SLC33A1: variants seen among roughly 807,000 people sequenced by gnomAD.
SLC33A1 encodes solute carrier family 33 member 1.
A neutral mutation model predicts 50.0 loss-of-function variants in SLC33A1; 20 were observed. That is an observed-to-expected ratio of 0.40 (90% confidence interval 0.28 to 0.58). The LOEUF is 0.58. Among genes scored for constraint, SLC33A1 ranks in the 20% least tolerant of loss-of-function variants. The pLI, the probability that SLC33A1 is intolerant of heterozygous loss-of-function variation, is 0.44. For synonymous variants in SLC33A1, 265 were observed against 251.8 expected (o/e 1.05, Z -0.50); for missense variants, 476 against 657.0 (o/e 0.72, Z 3.01).
At chr3:155,836,280 C>CAAAAAAAAAAAAA (rs57460942) in intron 2 of SLC33A1, among the ~76,000 whole-genome samples, 4 of 27,168 alleles carry the variant, frequency 1.5e-4, no homozygotes, top group East Asian at 1.1e-3. Context: ...GAGACTCTGT[C>CAAAAAAAAAAAAA]AAAAAAAAAA....
rs1752179675 is a variant in SLC33A1, at chr3:155,825,551, A to G, written c.*2659T>C. 6.6e-6 allele frequency: 1 copy of G among 152,126 alleles called. No homozygotes were observed. Among genetic ancestry groups the G allele is most frequent in the African/African-American group, 2.4e-5 (1 of 41,424 alleles). The allele number at this position is 152,126 out of a possible 1,614,324, so 9.4% of individuals were successfully genotyped here. A position where few individuals can be genotyped will look rare whatever the true frequency, so the allele number is the denominator to read the frequency against. On this transcript the variant is annotated 3_prime_UTR_variant, in exon 6 of 6. Transcript: ENST00000643144. Reference sequence around the variant, plus strand: ...TGGGCAAAAGTGAGACCATGTCTCTAAAAAATAATAATAAAATAAAATAAA... The same window carrying G: ...TGGGCAAAAGTGAGACCATGTCTCTGAAAAATAATAATAAAATAAAATAAA...
chr3:155,847,591 A>G (rs1753223149), intron 1 of SLC33A1, among the ~76,000 whole-genome samples: 1 of 151,576 alleles, frequency 6.6e-6, no homozygotes. Context: ...CTAAAAATAC[A>G]AAAAAAATTA....
intron 1 of SLC33A1, among the ~76,000 whole-genome samples, chr3:155,848,835 A>G (rs1753283601): frequency 6.6e-6 from 1 of 152,224 alleles, no homozygotes; most frequent in Admixed American, 6.5e-5. Context: ...TACATTATCT[A>G]TCTACCCAAT....
rs1263438507 is a variant in SLC33A1, at chr3:155,842,592, A to T, written c.803T>A (p.Phe268Tyr). The T allele has an allele frequency of 1.3e-6, 2 of 1,573,210 alleles. No individual in the cohort carries two copies. The highest frequency in any genetic ancestry group is 4.5e-5 in the East Asian group (2 of 44,044). The change falls in exon 2 of 6, where the codon TTT becomes TAT. Residue 268 changes from phenylalanine (F) to tyrosine (Y), a missense_variant. Coordinates refer to ENST00000643144, the MANE Select transcript of SLC33A1 (RefSeq NM_004733.4). Reference protein sequence around the residue: ...SDFLFFWGTVFLITTTLVALL... With the variant: ...SDFLFFWGTVYLITTTLVALL... ...GGCAACCAATGTTGTTGTTATTAAA[A>T]ATACAGTTCCCCAGAAAAAAAGGAA...
intron 2 of SLC33A1, among the ~76,000 whole-genome samples, chr3:155,839,363 G>A (rs1301570731): frequency 5.4e-5 from 2 of 37,372 alleles, no homozygotes; most frequent in Non-Finnish European, 1.0e-4. Context: ...AACAAAGCGA[G>A]ACTCTGTCTC....
At chr3:155,848,063 G>A (rs1753251033) in intron 1 of SLC33A1, among the ~76,000 whole-genome samples, 1 of 152,130 alleles carries the variant, frequency 6.6e-6, no homozygotes, top group Non-Finnish European at 1.5e-5. Flanking sequence ...TCAATTACCA[G>A]TTTACAGGCT....
chr3:155,846,665 C>T (rs1204840668), intron 1 of SLC33A1, among the ~76,000 whole-genome samples: 3 of 151,664 alleles, frequency 2.0e-5, no homozygotes, highest in African/African-American at 7.3e-5. Flanking sequence ...GTTGGTCAGG[C>T]TGGTCTTGAA....
intron 2 of SLC33A1, among the ~76,000 whole-genome samples, chr3:155,837,245 A>G (rs979212187): frequency 6.6e-6 from 1 of 151,466 alleles, no homozygotes; most frequent in African/African-American, 2.4e-5. Flanking sequence ...AGTCCCAGCT[A>G]CTTGGGAGGC....
At chr3:155,831,160 A>C (rs1052667186) in intron 4 of SLC33A1, among the ~76,000 whole-genome samples, 1 of 152,102 alleles carries the variant, frequency 6.6e-6, no homozygotes, top group African/African-American at 2.4e-5. Context: ...GTGTTCACTT[A>C]ATATTTGTTG....
rs1752174337 is a variant in SLC33A1, at chr3:155,825,234, T to C, written c.*2976A>G. ...CCACAATCACTGCTTACTGAAGCCTTGACCTCCTGGGTTCAAGTAACCCTC... is the reference window on the plus strand; with the variant it reads ...CCACAATCACTGCTTACTGAAGCCTCGACCTCCTGGGTTCAAGTAACCCTC... On this transcript the variant is annotated 3_prime_UTR_variant, in exon 6 of 6. Coordinates refer to ENST00000643144, the MANE Select transcript of SLC33A1 (RefSeq NM_004733.4). The C allele has an allele frequency of 6.6e-6, 1 of 152,076 alleles. No individual in the cohort carries two copies. The highest frequency in any genetic ancestry group is 1.5e-5 in the Non-Finnish European group (1 of 68,032). 9.4% of individuals were successfully genotyped at this position (152,076 alleles called of 1,614,324 possible).
chr3:155,831,562 G>A (rs1480671153), intron 4 of SLC33A1, among the ~76,000 whole-genome samples: 1 of 148,578 alleles, frequency 6.7e-6, no homozygotes, highest in Non-Finnish European at 1.5e-5. Context: ...GAATTTATTT[G>A]GTCTTGTACC....
intron 5 of SLC33A1, among the ~76,000 whole-genome samples, chr3:155,828,778 T>C (rs1752289062): frequency 6.6e-6 from 1 of 151,970 alleles, no homozygotes; most frequent in Non-Finnish European, 1.5e-5. Flanking sequence ...TTTGTAGAGA[T>C]GGTGCTTCAC....
At chr3:155,835,912 G>C (rs948512660) in intron 2 of SLC33A1, among the ~76,000 whole-genome samples, 1 of 151,902 alleles carries the variant, frequency 6.6e-6, no homozygotes. Context: ...CTTGATCTCT[G>C]TGGCTGTGAG....
chr3:155,852,298 C>T (rs1753431299), intron 1 of SLC33A1, among the ~76,000 whole-genome samples: 1 of 151,708 alleles, frequency 6.6e-6, no homozygotes, highest in Non-Finnish European at 1.5e-5. Context: ...CCCCCGACCC[C>T]CAACTATCTC....
chr3:155,843,750 G>A (rs529262408), intron 1 of SLC33A1, among the ~76,000 whole-genome samples: 1 of 152,292 alleles, frequency 6.6e-6, no homozygotes, highest in East Asian at 1.9e-4. Flanking sequence ...AAGTCAAGCT[G>A]TCCAAGTTAC....
rs529498288 is a variant in SLC33A1, at chr3:155,821,034, G to A, written c.*7176C>T. 6.6e-6 allele frequency: 1 copy of A among 152,136 alleles called. No homozygotes were observed. Among genetic ancestry groups the A allele is most frequent in the South Asian group, 2.1e-4 (1 of 4,824 alleles). 9.4% of individuals were successfully genotyped at this position (152,136 alleles called of 1,614,324 possible). On this transcript the variant is annotated 3_prime_UTR_variant, in exon 6 of 6. Coordinates refer to ENST00000643144, the MANE Select transcript of SLC33A1 (RefSeq NM_004733.4). Reference sequence around the variant, plus strand: ...AATGAAAACAAGATATTTCATTAATGTTTTATTTTTTAGAGAATCACTTTA... The same window carrying A: ...AATGAAAACAAGATATTTCATTAATATTTTATTTTTTAGAGAATCACTTTA...
intron 3 of SLC33A1, 130 bp downstream of exon 3, chr3:155,833,727 A>G: frequency 3.1e-6 from 3 of 965,754 alleles, no homozygotes; most frequent in Non-Finnish European, 4.9e-6. Flanking sequence ...GTGCATATAA[A>G]TAATATTGAA....
Position 155,854,159 on chromosome 3 carries a change from A to G in SLC33A1, c.-162T>C, listed in dbSNP as rs1753533259. 5.6e-6 allele frequency: 3 copies of G among 535,032 alleles called. No individual in the cohort carries two copies. Among genetic ancestry groups the G allele is most frequent in the Middle Eastern group, 4.9e-4 (1 of 2,050 alleles). The allele number at this position is 535,032 out of a possible 1,614,324, so 33.1% of individuals were successfully genotyped here. ...AAGGGCACTTCTTACTGCAGCCCGGAGTGCTGAAGCCGGGAGCCAGTCCTC... is the reference window on the plus strand; with the variant it reads ...AAGGGCACTTCTTACTGCAGCCCGGGGTGCTGAAGCCGGGAGCCAGTCCTC... On this transcript the variant is annotated 5_prime_UTR_variant, in exon 1 of 6. Transcript: ENST00000643144.
At position 155,828,169 on chromosome 3, in the gene SLC33A1, A is replaced by G; in HGVS notation, c.*41T>C. 6.9e-7 allele frequency: 1 copy of G among 1,448,048 alleles called. No individual in the cohort carries two copies. The highest frequency in any genetic ancestry group is 1.1e-5 in the South Asian group (1 of 87,602). The allele number at this position is 1,448,048 out of a possible 1,614,324, so 89.7% of individuals were successfully genotyped here. A position where few individuals can be genotyped will look rare whatever the true frequency, so the allele number is the denominator to read the frequency against. On this transcript the variant is annotated 3_prime_UTR_variant, in exon 6 of 6. Coordinates refer to ENST00000643144, the MANE Select transcript of SLC33A1 (RefSeq NM_004733.4). ...TATCATTGCTCTCCGAATTAAAACT[A>G]AACTACAATTACCTTGCTAGAATGT...
Sources: gnomAD v4.1 joint callset for allele counts (sites outside exome capture counted in the v4.1 genomes callset) on GRCh38, gnomAD v4.1.1 for gene constraint, MANE v1.5 for transcripts, NCBI Gene and HGNC (gene_info 2026-07-23, HGNC 2026-07-21) for gene names.